NTN1: variants seen among roughly 807,000 people sequenced by gnomAD.
NTN1 encodes netrin 1.
In NTN1, 11 loss-of-function variants were observed where a neutral mutation model predicts 54.2. That is an observed-to-expected ratio of 0.20 (90% confidence interval 0.13 to 0.34). NTN1 has a LOEUF of 0.34. NTN1 is among the 10% of genes least tolerant of loss of function. The pLI is 1.00. For missense variants in NTN1, 740 were observed against 893.1 expected, an observed-to-expected ratio of 0.83 and a Z score of 2.18; for synonymous variants, 371 against 382.0, an observed-to-expected ratio of 0.97 and a Z score of 0.33.
At chr17:9,166,376 C>G (rs56228916) in intron 3 of NTN1, among the ~76,000 whole-genome samples, 12,042 of 137,158 alleles carry the variant, frequency 0.088, 555 homozygotes, top group Middle Eastern at 0.11. Flanking sequence ...GAGTCTCACT[C>G]TGTTGTCCAG....
At chr17:9,191,204 T>C (rs1192356762) in intron 5 of NTN1, among the ~76,000 whole-genome samples, 1 of 152,234 alleles carries the variant, frequency 6.6e-6, no homozygotes, top group Non-Finnish European at 1.5e-5. Flanking sequence ...CTCACGCCTT[T>C]AATCCCAGCA....
chr17:9,017,080 T>C (rs1174257657), upstream of NTN1, among the ~76,000 whole-genome samples: 1 of 152,288 alleles, frequency 6.6e-6, no homozygotes, highest in East Asian at 1.9e-4. Flanking sequence ...TTTACAAGCA[T>C]AGTTTTATCT....
intron 2 of NTN1, among the ~76,000 whole-genome samples, chr17:9,037,384 C>G (rs139985354): frequency 6.6e-6 from 1 of 152,032 alleles, no homozygotes; most frequent in African/African-American, 2.4e-5. Context: ...TGAATGATTT[C>G]CTTATGTGTT....
intron 5 of NTN1, among the ~76,000 whole-genome samples, chr17:9,201,314 C>T (rs1904779585): frequency 6.6e-6 from 1 of 152,174 alleles, no homozygotes; most frequent in African/African-American, 2.4e-5. Flanking sequence ...TTACAGAGCT[C>T]ATCTCTGCTG....
Position 9,182,933 on chromosome 17 carries a change from C to A in NTN1, c.1375C>A (p.Pro459Thr), listed in dbSNP as rs376278603. The change falls in exon 5 of 7, where the codon CCG becomes ACG. Residue 459 changes from proline (P) to threonine (T), a missense_variant. Coordinates refer to ENST00000173229, the MANE Select transcript of NTN1 (RefSeq NM_004822.3). ...TCACAAAGAGATCCCTGTAGCGCCG[C>A]CGACGACTGCAGCCAGCAGCGTGGA... ...APCIKIPVAP[P>T]TTAASSVEEP... 8.4e-5 allele frequency: 135 copies of A among 1,614,028 alleles called. No homozygotes were observed. Among genetic ancestry groups the A allele is most frequent in the Non-Finnish European group, 1.0e-4 (122 of 1,180,018 alleles).
rs540461944 is a variant in NTN1 at position 9,062,603 on chromosome 17, A to T, written c.1018+39212A>T. Among the ~76,000 whole-genome samples the T allele has an allele frequency of 9.2e-5, 14 of 152,322 alleles. No homozygotes were observed. The South Asian group carries it at 2.7e-3, about 29-fold the overall frequency. On this transcript the variant is annotated intron_variant, in intron 2 of 6. Coordinates refer to ENST00000173229, the MANE Select transcript of NTN1 (RefSeq NM_004822.3). Reference sequence around the variant, plus strand: ...GGTTTCAAAAGGTTTTGAAATGCTAATTCACAACCATGAAGTATTCTGACA... The same window carrying T: ...GGTTTCAAAAGGTTTTGAAATGCTATTTCACAACCATGAAGTATTCTGACA...
At chr17:9,140,912 G>A (rs1421800826) in intron 2 of NTN1, among the ~76,000 whole-genome samples, 3 of 152,222 alleles carry the variant, frequency 2.0e-5, no homozygotes, top group Non-Finnish European at 4.4e-5. Flanking sequence ...AGAATTAAAA[G>A]TAAGAGCACT....
chr17:9,004,024 G>A, the NTN1 span, among the ~76,000 whole-genome samples: 4 of 152,234 alleles, frequency 2.6e-5, no homozygotes, highest in African/African-American at 7.2e-5. Context: ...GGACCCAGGC[G>A]GGGGCCGAGG....
intron 2 of NTN1, among the ~76,000 whole-genome samples, chr17:9,060,981 A>AAAAG (rs905305177): frequency 6.6e-6 from 1 of 151,578 alleles, no homozygotes; most frequent in African/African-American, 2.4e-5. Flanking sequence ...TCTCAAAAAA[A>AAAAG]AAAAAAAAAA....
chr17:9,048,653 A>ACTTTTTTTTTTT (rs1248060746), intron 2 of NTN1, among the ~76,000 whole-genome samples: 1 of 149,182 alleles, frequency 6.7e-6, no homozygotes, highest in Non-Finnish European at 1.5e-5. Flanking sequence ...TAGTGTAGCC[A>ACTTTTTTTTTTT]CTTTTTTTTT....
rs1385891705 is a variant in NTN1 at position 9,224,805 on chromosome 17, G to T, written c.1486+3563G>T. Among the ~76,000 whole-genome samples, 3 of 149,200 alleles carry T rather than the reference G, an allele frequency of 2.0e-5. No individual in the cohort carries two copies. In the East Asian group the frequency reaches 5.8e-4, roughly 29 times the overall value. On this transcript the variant is annotated intron_variant, in intron 6 of 6. Coordinates refer to ENST00000173229, the MANE Select transcript of NTN1 (RefSeq NM_004822.3). ...GAGGAACAGCAGGTGGGGATGGGGT[G>T]GGGGGGCACAGTGGGATCCCCCCTG...
At chr17:9,030,338 C>G (rs2091885009) in intron 2 of NTN1, among the ~76,000 whole-genome samples, 2 of 152,220 alleles carry the variant, frequency 1.3e-5, no homozygotes, top group South Asian at 2.1e-4. Context: ...TGTGTCAGGA[C>G]CACCCCCAGC....
At chr17:9,037,193 T>C (rs1175321129) in intron 2 of NTN1, among the ~76,000 whole-genome samples, 1 of 152,244 alleles carries the variant, frequency 6.6e-6, no homozygotes. Flanking sequence ...TTGAACTTTA[T>C]GTAATTGAAA....
chr17:9,139,411 A>G (rs934644629), intron 2 of NTN1, among the ~76,000 whole-genome samples: 1 of 152,132 alleles, frequency 6.6e-6, no homozygotes, highest in African/African-American at 2.4e-5. Flanking sequence ...TTCTGAGGCA[A>G]TGCACCAAGC....
At chr17:9,090,833 T>C (rs2092108021) in intron 2 of NTN1, among the ~76,000 whole-genome samples, 1 of 152,112 alleles carries the variant, frequency 6.6e-6, no homozygotes, top group Non-Finnish European at 1.5e-5. Flanking sequence ...GCTTGGCCAC[T>C]CTGAGGGTGG....
chr17:9,096,335 A>G (rs1156960033), intron 2 of NTN1, among the ~76,000 whole-genome samples: 1 of 139,120 alleles, frequency 7.2e-6, no homozygotes. Context: ...GTCACTGAAT[A>G]GGGGCTGTCT....
intron 5 of NTN1, among the ~76,000 whole-genome samples, chr17:9,203,133 G>T (rs901247213): frequency 9.2e-5 from 14 of 151,656 alleles, no homozygotes; most frequent in African/African-American, 2.7e-4. Flanking sequence ...ATGTTAGCCA[G>T]GATGATCTCG....
In NTN1 at chr17:9,123,670, G is replaced by A. The variant is rs914193254; in HGVS notation, c.1019-39143G>A. On this transcript the variant is annotated intron_variant, in intron 2 of 6. Transcript: ENST00000173229. ...GTCAAGTGTAACTATTGTTCTTCTC[G>A]GATGGTTAGCCAGTTGCTGCAGCAC... Among the ~76,000 whole-genome samples, 3 of 151,964 alleles carry A rather than the reference G, an allele frequency of 2.0e-5. No individual in the cohort carries two copies. In the East Asian group the frequency reaches 5.8e-4, roughly 29 times the overall value.
At chr17:9,088,123 T>C (rs6503178) in intron 2 of NTN1, among the ~76,000 whole-genome samples, 15,533 of 152,146 alleles carry the variant, frequency 0.1, 1,375 homozygotes, top group African/African-American at 0.23. Context: ...AAGCTGGCAT[T>C]GCTGGTGCAC....
Sources: gnomAD v4.1 joint callset for allele counts (sites outside exome capture counted in the v4.1 genomes callset) on GRCh38, gnomAD v4.1.1 for gene constraint, MANE v1.5 for transcripts, NCBI Gene and HGNC (gene_info 2026-07-23, HGNC 2026-07-21) for gene names.